Variants in TMEM196 observed in about 807,000 individuals in gnomAD.
TMEM196 encodes transmembrane protein 196.
Under a neutral mutation model 20.0 loss-of-function variants are expected in TMEM196, and 17 were observed. That is an observed-to-expected ratio of 0.85 (90% confidence interval 0.58 to 1.27). TMEM196 has a LOEUF of 1.27. Among genes scored for constraint, TMEM196 ranks in the 50% most tolerant of loss-of-function variants. The pLI, the probability that TMEM196 is intolerant of heterozygous loss-of-function variation, is 0.00. For missense variants in TMEM196, 267 were observed against 223.0 expected (o/e 1.20, Z -1.26); for synonymous variants, 113 against 88.9 (o/e 1.27, Z -1.52).
At chr7:19,722,771 T>A (rs1458704608) in intron 4 of TMEM196, among the ~76,000 whole-genome samples, 2 of 152,154 alleles carry the variant, frequency 1.3e-5, no homozygotes, top group Non-Finnish European at 2.9e-5. Context: ...AAAATATAGA[T>A]GCAAAGGACA....
chr7:19,729,402 T>C lies in TMEM196; in HGVS notation c.184A>G (p.Lys62Glu), dbSNP rs1784118118. The change falls in exon 2 of 5, where the codon AAA (lysine) becomes GAA (glutamate). Residue 62 changes from lysine (K) to glutamate (E), a missense_variant. Coordinates refer to ENST00000405844, the MANE Select transcript of TMEM196 (RefSeq NM_001363562.2). The part of the protein sequence containing the change: ...LCGICGILCA[K>E]KKSGLVMILF... The stretch of plus-strand genomic sequence containing the variant: ...CTTACGACAAGTCCTGATTTTTTTT[T>C]GGCACACAATATTCCACAAATGCCA... The C allele has an allele frequency of 1.3e-6, 2 of 1,550,934 alleles. No homozygotes were observed.
In TMEM196 at chr7:19,725,663, G is replaced by T; in HGVS notation, c.310C>A (p.His104Asn). ...TKKTSSLYPL[H>N]LASMSLACIG... ...CACGCGAGAGACATGGAGGCAAGGTGCAGTGGGTATAGGGAGGAAGTTTTC... is the reference window on the plus strand; with the variant it reads ...CACGCGAGAGACATGGAGGCAAGGTTCAGTGGGTATAGGGAGGAAGTTTTC... The change falls in exon 3 of 5, where the codon CAC (histidine) becomes AAC (asparagine). Residue 104 changes from histidine (H) to asparagine (N), a missense_variant. Transcript: ENST00000405844. 6.2e-7 allele frequency: 1 copy of T among 1,614,178 alleles called. No homozygotes were observed. Among genetic ancestry groups the T allele is most frequent in the African/African-American group, 1.3e-5 (1 of 75,046 alleles).
intron 1 of TMEM196, among the ~76,000 whole-genome samples, chr7:19,760,072 CT>C (rs1483545771): frequency 1.3e-5 from 2 of 152,114 alleles, no homozygotes; most frequent in Non-Finnish European, 2.9e-5. Flanking sequence ...ATTTTTACCC[CT>C]ATTAGGCTCA....
chr7:19,759,781 AT>A (rs1289507585), intron 1 of TMEM196, among the ~76,000 whole-genome samples: 1 of 152,198 alleles, frequency 6.6e-6, no homozygotes. Flanking sequence ...CATCCCCTCT[AT>A]AATGGCATAA....
At chr7:19,764,266 A>G (rs1159616080) in intron 1 of TMEM196, among the ~76,000 whole-genome samples, 1 of 152,232 alleles carries the variant, frequency 6.6e-6, no homozygotes, top group African/African-American at 2.4e-5. Flanking sequence ...CCTGGGCTTA[A>G]CTGTCTTGAA....
At chr7:19,763,265 T>C (rs1430822797) in intron 1 of TMEM196, among the ~76,000 whole-genome samples, 1 of 152,188 alleles carries the variant, frequency 6.6e-6, no homozygotes, top group Non-Finnish European at 1.5e-5. Context: ...TCTTGGGCAA[T>C]GTGGTTTATT....
intron 1 of TMEM196, among the ~76,000 whole-genome samples, chr7:19,736,181 G>T (rs1046976570): frequency 6.6e-6 from 1 of 151,464 alleles, no homozygotes; most frequent in Non-Finnish European, 1.5e-5. Flanking sequence ...TCTTAGAAAG[G>T]TTATTTCGTG....
chr7:19,741,157 T>C (rs970193069), intron 1 of TMEM196, among the ~76,000 whole-genome samples: 1 of 152,172 alleles, frequency 6.6e-6, no homozygotes, highest in Admixed American at 6.6e-5. Flanking sequence ...AAATAAATTA[T>C]GGATCTAAGA....
chr7:19,727,503 G>T (rs1386045170), intron 2 of TMEM196, among the ~76,000 whole-genome samples: 2 of 152,118 alleles, frequency 1.3e-5, no homozygotes, highest in Non-Finnish European at 2.9e-5. Context: ...TAATACTGAA[G>T]ATCAGTTACC....
At chr7:19,761,459 C>A (rs1278865206) in intron 1 of TMEM196, among the ~76,000 whole-genome samples, 1 of 152,104 alleles carries the variant, frequency 6.6e-6, no homozygotes, top group African/African-American at 2.4e-5. Flanking sequence ...AGAGACATAA[C>A]CTCTCACACA....
At chr7:19,733,051 G>A (rs568984660) in intron 1 of TMEM196, among the ~76,000 whole-genome samples, 19 of 151,920 alleles carry the variant, frequency 1.3e-4, no homozygotes, top group East Asian at 9.6e-4. Flanking sequence ...GATTATTTGC[G>A]TTGATCTTAC....
chr7:19,732,542 C>T (rs1440491303), intron 1 of TMEM196, among the ~76,000 whole-genome samples: 1 of 144,496 alleles, frequency 6.9e-6, no homozygotes, highest in Non-Finnish European at 1.5e-5. Context: ...CACTGCACTC[C>T]AGCCTGGGTG....
At chr7:19,759,425 G>A (rs1346013223) in intron 1 of TMEM196, among the ~76,000 whole-genome samples, 4 of 151,626 alleles carry the variant, frequency 2.6e-5, no homozygotes, top group Admixed American at 6.6e-5. Context: ...GCTTTATTTC[G>A]GTGGTGTCAA....
intron 1 of TMEM196, among the ~76,000 whole-genome samples, chr7:19,750,629 A>G (rs1180982496): frequency 1.3e-4 from 20 of 152,248 alleles, no homozygotes; most frequent in Non-Finnish European, 2.8e-4. Context: ...AAATAGGACA[A>G]CAGAGATTAA....
intron 1 of TMEM196, among the ~76,000 whole-genome samples, chr7:19,764,067 A>G (rs952252933): frequency 1.1e-4 from 16 of 152,204 alleles, no homozygotes; most frequent in Non-Finnish European, 2.1e-4. Context: ...TGTGAGATTC[A>G]CTGAACATAA....
intron 1 of TMEM196, among the ~76,000 whole-genome samples, chr7:19,737,303 A>G (rs1784438723): frequency 6.6e-6 from 1 of 152,012 alleles, no homozygotes; most frequent in Admixed American, 6.6e-5. Flanking sequence ...AATTAAACAA[A>G]CAATTGATGT....
intron 3 of TMEM196, 107 bp from the exon 4 acceptor site, chr7:19,724,460 C>A: frequency 1.1e-6 from 1 of 944,516 alleles, no homozygotes; most frequent in South Asian, 1.6e-5. Flanking sequence ...TTCATATATA[C>A]ATATAAAATG....
rs57486625 is a variant in TMEM196 at position 19,721,793 on chromosome 7, C to A, written c.*335G>T. Reference sequence around the variant, plus strand: ...TCAAATAGTGTTTGTATAGAATATGCATTTTATTTCTGTTTTATTATCTCT... The same window carrying A: ...TCAAATAGTGTTTGTATAGAATATGAATTTTATTTCTGTTTTATTATCTCT... On this transcript the variant is annotated 3_prime_UTR_variant, in exon 5 of 5. Transcript: ENST00000405844. 2,835 of 312,662 alleles carry A rather than the reference C, an allele frequency of 9.1e-3. 73 individuals are homozygous for A. Among genetic ancestry groups the A allele is most frequent in the African/African-American group, 0.057 (2,565 of 44,966 alleles). 19.4% of individuals were successfully genotyped at this position (312,662 alleles called of 1,614,324 possible). A position where few individuals can be genotyped will look rare whatever the true frequency, so the allele number is the denominator to read the frequency against.
At position 19,739,849 on chromosome 7, in the gene TMEM196, G is replaced by A. The variant is rs535297013; in HGVS notation, c.148-10411C>T. 2.8e-3 allele frequency among the ~76,000 whole-genome samples: 426 copies of A among 152,158 alleles called. 1 individual carries two copies. Among genetic ancestry groups the A allele is most frequent in the Non-Finnish European group, 3.7e-3 (249 of 67,996 alleles). ...CCTTTGATGCTGTTCTTTACTGTTC[G>A]ATAATCTTGGCAAAGATGTAGAGAA... is the stretch of plus-strand genomic sequence containing the variant. On this transcript the variant is annotated intron_variant, in intron 1 of 4. Transcript: ENST00000405844.
Sources: gnomAD v4.1 joint callset for allele counts (sites outside exome capture counted in the v4.1 genomes callset) on GRCh38, gnomAD v4.1.1 for gene constraint, MANE v1.5 for transcripts, NCBI Gene and HGNC (gene_info 2026-07-23, HGNC 2026-07-21) for gene names.